Variants in SLC7A5 observed in about 807,000 individuals in gnomAD.
SLC7A5 encodes the protein solute carrier family 7 member 5.
Under a neutral mutation model 50.2 loss-of-function variants are expected in SLC7A5, and 23 were observed. That is an observed-to-expected ratio of 0.46 (90% CI 0.33 to 0.65). The LOEUF (loss-of-function observed/expected upper bound fraction) is 0.65, where lower values mean the gene tolerates loss of function less well. Ranked by LOEUF, SLC7A5 falls within the 30% of genes least tolerant of loss-of-function variation. The pLI is 0.02. For synonymous variants in SLC7A5, 393 were observed against 330.6 expected, an observed-to-expected ratio of 1.19 and a Z score of -2.05; for missense variants, 578 against 684.4, an observed-to-expected ratio of 0.84 and a Z score of 1.73.
At chr16:87,855,544 G>A (rs1233985833) in intron 1 of SLC7A5, among the ~76,000 whole-genome samples, 1 of 152,046 alleles carries the variant, frequency 6.6e-6, no homozygotes. Flanking sequence ...CCCTCGGGGG[G>A]ATGACTCTCT....
rs1348184204 is a variant in SLC7A5, at chr16:87,852,713, C to T, written c.539-864G>A. Among the ~76,000 whole-genome samples the T allele has an allele frequency of 6.9e-6, 1 of 145,162 alleles. No homozygotes were observed. The highest frequency in any genetic ancestry group is 1.5e-5 in the Non-Finnish European group (1 of 66,756). The stretch of plus-strand genomic sequence containing the variant: ...TGGGGGTTCTGTTGCAATATATAGG[C>T]ACGCTGAGCCACTGTGTGTGTGTGC... On this transcript the variant is annotated intron_variant, in intron 1 of 9. Coordinates refer to ENST00000261622, the MANE Select transcript of SLC7A5 (RefSeq NM_003486.7). This position sits in a 1 kb window ranked among gnomAD's most constrained non-coding sequence, Gnocchi z 4.5.
chr16:87,834,554 C>G lies in SLC7A5; in HGVS notation c.1328G>C (p.Cys443Ser). 1.3e-6 allele frequency: 2 copies of G among 1,598,758 alleles called. No individual in the cohort carries two copies. Among genetic ancestry groups the G allele is most frequent in the Non-Finnish European group, 1.7e-6 (2 of 1,174,378 alleles). Reference protein sequence around the residue: ...LALPVFFILACLFLIAVSFWK... With the variant: ...LALPVFFILASLFLIAVSFWK... ...GAAGGAGACGGCGATCAGGAAGAGG[C>G]AGGCCAGGATGAAGAACACAGGCAG... is the stretch of plus-strand genomic sequence containing the variant. The change falls in exon 9 of 10, where the codon TGC (cysteine) becomes TCC (serine). Residue 443 changes from cysteine to serine, a missense_variant. This residue lies in a region of SLC7A5 where 465 missense variants were observed against 594.6 expected (regional missense o/e 0.78). Coordinates refer to ENST00000261622, the MANE Select transcript of SLC7A5 (RefSeq NM_003486.7).
Position 87,832,896 on chromosome 16 carries a change from G to T in SLC7A5, c.*74C>A. On this transcript the variant is annotated 3_prime_UTR_variant, in exon 10 of 10. Transcript: ENST00000261622. This position sits in a 1 kb window ranked among gnomAD's most constrained non-coding sequence, Gnocchi z 4.6. Reference sequence around the variant, plus strand: ...CTGAGCTGTGGGTTGCGGGGAACCGGAGTGGGTTCGAGGAGGTGATCTACT... The same window carrying T: ...CTGAGCTGTGGGTTGCGGGGAACCGTAGTGGGTTCGAGGAGGTGATCTACT... 3 of 1,224,208 alleles carry T rather than the reference G, an allele frequency of 2.5e-6. No homozygotes were observed. The highest frequency in any genetic ancestry group is 3.6e-6 in the Non-Finnish European group (3 of 826,098). The allele number at this position is 1,224,208 out of a possible 1,614,324, so 75.8% of individuals were successfully genotyped here.
chr16:87,850,157 C>T (rs1034824885), intron 2 of SLC7A5, among the ~76,000 whole-genome samples: 3 of 152,188 alleles, frequency 2.0e-5, no homozygotes, highest in Non-Finnish European at 2.9e-5. Context: ...CAGCAGGGGG[C>T]GCCAGGAGCA....
chr16:87,866,011 A>C (rs1187769578), intron 1 of SLC7A5, among the ~76,000 whole-genome samples: 1 of 152,122 alleles, frequency 6.6e-6, no homozygotes, highest in Non-Finnish European at 1.5e-5. Flanking sequence ...TCAAAACAAA[A>C]TCAAAAACAA....
chr16:87,840,571 C>A, intron 3 of SLC7A5, 98 bp from the exon 4 acceptor site: 3 of 1,060,346 alleles, frequency 2.8e-6, no homozygotes, highest in East Asian at 4.9e-5. Context: ...GAGCCTGCCC[C>A]CCGGTGGTCT....
chr16:87,863,813 C>G (rs1368865259), intron 1 of SLC7A5, among the ~76,000 whole-genome samples: 1 of 151,512 alleles, frequency 6.6e-6, no homozygotes, highest in Non-Finnish European at 1.5e-5. Context: ...ACCTTGTTCT[C>G]AAATCTATAC....
intron 5 of SLC7A5, 59 bp downstream of exon 5, chr16:87,839,643 G>A: frequency 6.2e-7 from 1 of 1,609,366 alleles, no homozygotes; most frequent in Non-Finnish European, 8.5e-7. Context: ...CGGTCTGGAA[G>A]GGACGGGCTG....
At chr16:87,866,970 C>G (rs2055469974) in intron 1 of SLC7A5, among the ~76,000 whole-genome samples, 1 of 151,248 alleles carries the variant, frequency 6.6e-6, no homozygotes, top group Non-Finnish European at 1.5e-5. Context: ...CTTGCTCTGT[C>G]ACCCAGACTG....
At position 87,838,163 on chromosome 16, in the gene SLC7A5, C is replaced by CG. The variant is rs555286431; in HGVS notation, c.1044-223dup. The stretch of plus-strand genomic sequence containing the variant: ...TTGGGAGCCACTGCTCACTCCAGCC[C>CG]GGGGGGTCAAGCGGCGGCCACAGGG... On this transcript the variant is annotated intron_variant, in intron 6 of 9. Transcript: ENST00000261622. 2.4e-4 allele frequency among the ~76,000 whole-genome samples: 36 copies of CG among 152,342 alleles called. No homozygotes were observed. The East Asian group carries it at 2.9e-3, about 12-fold the overall frequency.
chr16:87,864,006 T>TATA (rs1367195610), intron 1 of SLC7A5, among the ~76,000 whole-genome samples: 1 of 142,976 alleles, frequency 7.0e-6, no homozygotes, highest in African/African-American at 2.5e-5. Flanking sequence ...TATATATATA[T>TATA]ATCAGCCGAG....
chr16:87,835,680 T>G (rs2054991878), intron 8 of SLC7A5, among the ~76,000 whole-genome samples: 1 of 152,108 alleles, frequency 6.6e-6, no homozygotes, highest in Non-Finnish European at 1.5e-5. Context: ...TTCACCGTGT[T>G]AGCCAGGATG....
chr16:87,836,839 G>T, intron 7 of SLC7A5, 192 bp from the exon 8 acceptor site: 1 of 588,868 alleles, frequency 1.7e-6, no homozygotes. Context: ...AGGGAGGAGA[G>T]GAGGAGGGAA....
intron 1 of SLC7A5, among the ~76,000 whole-genome samples, chr16:87,855,832 C>T (rs1352796084): frequency 8.5e-5 from 13 of 152,170 alleles, no homozygotes; most frequent in South Asian, 2.1e-4. Flanking sequence ...CCACCCCACA[C>T]GGACTAATGC....
At chr16:87,846,824 G>A (rs894917138) in intron 2 of SLC7A5, among the ~76,000 whole-genome samples, 1 of 152,368 alleles carries the variant, frequency 6.6e-6, no homozygotes, top group East Asian at 1.9e-4. Flanking sequence ...AGGGCGTGAG[G>A]TGAGGAAAAG....
intron 1 of SLC7A5, among the ~76,000 whole-genome samples, chr16:87,856,962 GC>G (rs1567499626): frequency 6.6e-6 from 1 of 152,132 alleles, no homozygotes. Flanking sequence ...CCTGGGGAGC[GC>G]CCCCAGCACA....
At chr16:87,836,360 T>TA (rs1355797886) in intron 8 of SLC7A5, 138 bp downstream of exon 8, 1 of 936,836 alleles carries the variant, frequency 1.1e-6, no homozygotes, top group East Asian at 2.6e-5. Flanking sequence ...TCACCGGAAT[T>TA]AGTCGACCCA....
chr16:87,835,574 T>C (rs551554952), intron 8 of SLC7A5, among the ~76,000 whole-genome samples: 177 of 152,294 alleles, frequency 1.2e-3, no homozygotes, highest in African/African-American at 3.8e-3. Flanking sequence ...CCCAGGTTCA[T>C]GCCATTCTCC....
chr16:87,845,021 G>A (rs546606530), intron 2 of SLC7A5, among the ~76,000 whole-genome samples: 6 of 152,324 alleles, frequency 3.9e-5, no homozygotes, highest in African/African-American at 1.4e-4. Flanking sequence ...CAGAGCCAGA[G>A]CCAGCCCAGG....
Sources: allele counts gnomAD v4.1 joint callset (sites outside exome capture counted in the v4.1 genomes callset), GRCh38; gene constraint gnomAD v4.1.1; regional missense constraint gnomAD v4.1.1; non-coding constraint Gnocchi (gnomAD v3.1); transcripts MANE v1.5; gene names NCBI Gene and HGNC (gene_info 2026-07-23, HGNC 2026-07-21).